The following GRK5 variants were observed in gnomAD, a reference collection of about 807,000 sequenced individuals.
GRK5 encodes g protein-coupled receptor kinase GRK5.
In GRK5, 40 loss-of-function variants were observed where a neutral mutation model predicts 78.4. The observed-to-expected ratio is 0.51, with a 90% CI of 0.40 to 0.66. The LOEUF (loss-of-function observed/expected upper bound fraction) is 0.66, where lower values mean the gene tolerates loss of function less well. Among genes scored for constraint, GRK5 ranks in the 30% least tolerant of loss-of-function variants. The probability of loss-of-function intolerance (pLI) is 0.00; values close to 1 mark genes in which losing one functional copy is unlikely to be tolerated. For missense variants in GRK5, 598 were observed against 759.9 expected, an observed-to-expected ratio of 0.79 and a Z score of 2.50; for synonymous variants, 289 against 296.8, an observed-to-expected ratio of 0.97 and a Z score of 0.27.
intron 2 of GRK5, among the ~76,000 whole-genome samples, chr10:119,365,585 C>A (rs1198360691): frequency 6.6e-6 from 1 of 152,190 alleles, no homozygotes; most frequent in African/African-American, 2.4e-5. Flanking sequence ...CCTCCCCACG[C>A]TGTTCATAAT....
chr10:119,434,757 G>A (rs1429505726), intron 8 of GRK5, among the ~76,000 whole-genome samples: 1 of 152,224 alleles, frequency 6.6e-6, no homozygotes, highest in Non-Finnish European at 1.5e-5. Context: ...GGAGGACAGT[G>A]GCCCTCTTCT....
chr10:119,283,026 G>C (rs918404156), intron 1 of GRK5, among the ~76,000 whole-genome samples: 3 of 152,170 alleles, frequency 2.0e-5, no homozygotes, highest in African/African-American at 7.2e-5. Flanking sequence ...GCCTTTCAGA[G>C]CTGATAAGGG....
intron 4 of GRK5, among the ~76,000 whole-genome samples, chr10:119,409,996 G>A (rs1852307234): frequency 6.6e-6 from 1 of 152,248 alleles, no homozygotes; most frequent in Non-Finnish European, 1.5e-5. Flanking sequence ...TGGCCAGGAA[G>A]AATCCCACTC....
At chr10:119,213,705 T>G (rs987363119) in intron 1 of GRK5, among the ~76,000 whole-genome samples, 28 of 152,174 alleles carry the variant, frequency 1.8e-4, no homozygotes, top group African/African-American at 6.8e-4. Context: ...AAGAAGCATT[T>G]CATTTTGTGA....
rs1030377195 is a variant in GRK5, at chr10:119,336,759, CT to C, written c.148+10149del. On this transcript the variant is annotated intron_variant, in intron 2 of 15. Coordinates refer to ENST00000392870, the MANE Select transcript of GRK5 (RefSeq NM_005308.3). This position sits in a 1 kb window ranked among gnomAD's most constrained non-coding sequence, Gnocchi z 4.5. ...TTGGGGTGATAAGGGCGCGTCATGT[CT>C]GTCGTTCTGCCACCTAGCCGTGCTG... Among the ~76,000 whole-genome samples the C allele has an allele frequency of 1.3e-5, 2 of 152,224 alleles. No homozygotes were observed. The highest frequency in any genetic ancestry group is 4.8e-5 in the African/African-American group (2 of 41,464).
intron 1 of GRK5, among the ~76,000 whole-genome samples, chr10:119,265,958 G>A (rs1184958092): frequency 1.3e-5 from 2 of 152,130 alleles, no homozygotes; most frequent in African/African-American, 2.4e-5. Flanking sequence ...GAGCTGCCTC[G>A]GTTCCCTCTT....
intron 1 of GRK5, among the ~76,000 whole-genome samples, chr10:119,279,417 A>G (rs1245925595): frequency 1.3e-5 from 2 of 152,196 alleles, no homozygotes; most frequent in East Asian, 3.9e-4. Flanking sequence ...TGAGCTGGAT[A>G]GTTCTTCCCC....
At chr10:119,297,939 T>G (rs1850111503) in intron 1 of GRK5, among the ~76,000 whole-genome samples, 2 of 152,230 alleles carry the variant, frequency 1.3e-5, no homozygotes, top group Admixed American at 6.5e-5. Flanking sequence ...CATTTGAAAT[T>G]GACTCACTGT....
chr10:119,279,207 CA>C (rs1277068865), intron 1 of GRK5, among the ~76,000 whole-genome samples: 2 of 152,234 alleles, frequency 1.3e-5, no homozygotes, highest in Non-Finnish European at 2.9e-5. Flanking sequence ...AGATATCAGT[CA>C]CACTGGGCTG....
chr10:119,308,936 G>A (rs564796594), intron 1 of GRK5, among the ~76,000 whole-genome samples: 1 of 152,350 alleles, frequency 6.6e-6, no homozygotes, highest in South Asian at 2.1e-4. Context: ...TGAAGGGAAA[G>A]GACTCTTCCC....
chr10:119,389,764 A>G (rs940698494), intron 3 of GRK5, among the ~76,000 whole-genome samples: 57 of 151,970 alleles, frequency 3.8e-4, no homozygotes, highest in African/African-American at 1.4e-3. Context: ...TGTTTCCTAC[A>G]CTGGAACAAG....
intron 3 of GRK5, 128 bp downstream of exon 3, chr10:119,381,055 A>G (rs962369712): frequency 5.0e-6 from 3 of 598,522 alleles, no homozygotes; most frequent in African/African-American, 3.7e-5. Context: ...CAAAACTCCC[A>G]CTACAGACTT....
At chr10:119,306,670 A>G (rs1275149129) in intron 1 of GRK5, among the ~76,000 whole-genome samples, 2 of 152,122 alleles carry the variant, frequency 1.3e-5, no homozygotes, top group Non-Finnish European at 2.9e-5. Context: ...TCCTGGGGAA[A>G]GAGGTGTCAC....
Position 119,455,274 on chromosome 10 carries a change from G to A in GRK5, c.*207G>A, listed in dbSNP as rs538551064. 1 of 698,234 alleles carries A rather than the reference G, an allele frequency of 1.4e-6. No homozygotes were observed. Among genetic ancestry groups the A allele is most frequent in the East Asian group, 2.7e-5 (1 of 37,030 alleles). The allele number at this position is 698,234 out of a possible 1,614,324, so 43.3% of individuals were successfully genotyped here. On this transcript the variant is annotated 3_prime_UTR_variant, in exon 16 of 16. Coordinates refer to ENST00000392870, the MANE Select transcript of GRK5 (RefSeq NM_005308.3). ...CTGTTTTCCGAGGCGGCCCCGGCCG[G>A]GGTGGATTGGATTTGTCTTTGGTGA...
intron 4 of GRK5, among the ~76,000 whole-genome samples, chr10:119,401,797 C>G (rs1212916992): frequency 6.6e-6 from 1 of 152,108 alleles, no homozygotes; most frequent in Non-Finnish European, 1.5e-5. Context: ...AAGGAAGGGT[C>G]GGGAGGGCCT....
chr10:119,373,188 T>C (rs540752356), intron 2 of GRK5, among the ~76,000 whole-genome samples: 62 of 152,366 alleles, frequency 4.1e-4, no homozygotes, highest in Non-Finnish European at 5.4e-4. Context: ...AAAAACTGGT[T>C]CTTTTCCATA....
At chr10:119,290,600 C>G (rs1849939239) in intron 1 of GRK5, among the ~76,000 whole-genome samples, 1 of 151,968 alleles carries the variant, frequency 6.6e-6, no homozygotes, top group Non-Finnish European at 1.5e-5. Context: ...CCCAGGTACC[C>G]CGCAATCCAG....
At chr10:119,390,539 A>T (rs192858071) in intron 3 of GRK5, among the ~76,000 whole-genome samples, 1 of 137,568 alleles carries the variant, frequency 7.3e-6, no homozygotes, top group East Asian at 1.9e-4. Context: ...TACTAAAAAT[A>T]CAAAAATTAG....
chr10:119,403,455 G>A (rs112325180), intron 4 of GRK5, among the ~76,000 whole-genome samples: 4,941 of 152,238 alleles, frequency 0.032, 151 homozygotes, highest in African/African-American at 0.074. Context: ...GTGAGCCACC[G>A]CACCAGCCGA....
Sources: allele counts gnomAD v4.1 joint callset (sites outside exome capture counted in the v4.1 genomes callset), GRCh38; gene constraint gnomAD v4.1.1; non-coding constraint Gnocchi (gnomAD v3.1); transcripts MANE v1.5; gene names NCBI Gene and HGNC (gene_info 2026-07-23, HGNC 2026-07-21).